Variants in MAP3K13 observed in about 807,000 individuals in gnomAD.
The protein encoded by MAP3K13 is mitogen-activated protein kinase kinase kinase 13.
In MAP3K13, 52 loss-of-function variants were observed where a neutral mutation model predicts 104.0. The observed-to-expected ratio is 0.50, with a 90% CI of 0.40 to 0.63. The LOEUF (loss-of-function observed/expected upper bound fraction) is 0.63, where lower values mean the gene tolerates loss of function less well. MAP3K13 is among the 20% of genes least tolerant of loss of function. MAP3K13 has a pLI of 0.00. For missense variants in MAP3K13, 914 were observed against 1,218.5 expected (o/e 0.75, Z 3.72); for synonymous variants, 394 against 442.2 (o/e 0.89, Z 1.37).
intron 7 of MAP3K13, among the ~76,000 whole-genome samples, chr3:185,452,739 C>T (rs560215950): frequency 6.6e-6 from 1 of 152,288 alleles, no homozygotes; most frequent in East Asian, 1.9e-4. Context: ...TGGCTATTAG[C>T]TAGAGCACCT....
Position 185,455,285 on chromosome 3 carries a change from A to AGATATATAT in MAP3K13, c.1278+3891_1278+3899dup, listed in dbSNP as rs1577586836. On this transcript the variant is annotated intron_variant, in intron 7 of 13. Transcript: ENST00000265026. ...ATATGAGATATATATGAGATATATG[A>AGATATATAT]GATATATATATGAGATATATATGAG... is the stretch of plus-strand genomic sequence containing the variant. 8.9e-4 allele frequency among the ~76,000 whole-genome samples: 18 copies of AGATATATAT among 20,220 alleles called. 2 individuals carry two copies. Among genetic ancestry groups the AGATATATAT allele is most frequent in the Non-Finnish European group, 8.2e-4 (5 of 6,116 alleles). The allele number at this position is 20,220 out of a possible 152,430, so 13.3% of individuals were successfully genotyped here.
intron 1 of MAP3K13, among the ~76,000 whole-genome samples, chr3:185,407,640 G>A (rs181447032): frequency 1.0e-3 from 159 of 152,274 alleles, no homozygotes; most frequent in African/African-American, 3.5e-3. Context: ...TAGCTTCAGA[G>A]TGCGTTTTGC....
intron 2 of MAP3K13, among the ~76,000 whole-genome samples, chr3:185,304,051 A>G (rs924022696): frequency 1.3e-5 from 2 of 152,004 alleles, no homozygotes; most frequent in African/African-American, 4.8e-5. Flanking sequence ...ATATTTCCTA[A>G]TTTTTTGTGA....
intron 5 of MAP3K13, 42 bp from the exon 6 acceptor site, chr3:185,449,858 T>A: frequency 6.6e-7 from 1 of 1,522,990 alleles, no homozygotes; most frequent in Non-Finnish European, 8.8e-7. Flanking sequence ...CAAATCAGTC[T>A]TTCTGAAACA....
At position 185,480,326 on chromosome 3, in the gene MAP3K13, C is replaced by T. The variant is rs776736664; in HGVS notation, c.2596C>T (p.His866Tyr). 9.3e-6 allele frequency: 15 copies of T among 1,614,028 alleles called. No individual in the cohort carries two copies. The highest frequency in any genetic ancestry group is 1.3e-5 in the African/African-American group (1 of 74,912). ...SDGEEGNTSD[H>Y]SNSPDELADK... is the part of the protein sequence containing the mutation. ...TGGAGAAGAGGGAAATACCAGTGAC[C>T]ACTCAAACAGTCCTGATGAGTTAGC... Residue 866 changes from histidine (H) to tyrosine (Y), a missense_variant, in exon 13 of 14, where the codon CAC (histidine) becomes TAC (tyrosine). By Grantham distance (83) the His-to-Tyr change is moderately conservative. This residue lies in a region of MAP3K13 where 583 missense variants were observed against 737.4 expected (regional missense o/e 0.79). Transcript: ENST00000265026.
Position 185,418,889 on chromosome 3 carries a change from T to C in MAP3K13, c.-85-9608T>C, listed in dbSNP as rs1465149370. The C allele has an allele frequency of 6.0e-6, 7 of 1,160,438 alleles. 1 individual carries two copies. The Admixed American group carries it at 1.7e-4, about 29-fold the overall frequency. 71.9% of individuals were successfully genotyped at this position (1,160,438 alleles called of 1,614,324 possible). On this transcript the variant is annotated intron_variant, in intron 1 of 13. Transcript: ENST00000265026. This position sits in a 1 kb window ranked among gnomAD's most constrained non-coding sequence, Gnocchi z 4.5. ...TTTCAGTTCTCTTAATCATGATCAT[T>C]CTGCCTTTTCTAGAATCAAATGTGA...
intron 1 of MAP3K13, among the ~76,000 whole-genome samples, chr3:185,374,412 G>GA: frequency 6.6e-6 from 1 of 152,236 alleles, no homozygotes; most frequent in East Asian, 1.9e-4. Flanking sequence ...GCTGAAGGAA[G>GA]ATTTTGTGGT....
intron 1 of MAP3K13, among the ~76,000 whole-genome samples, chr3:185,396,443 G>C (rs1207350292): frequency 6.6e-6 from 1 of 152,128 alleles, no homozygotes; most frequent in African/African-American, 2.4e-5. Context: ...ATTTGAAGGA[G>C]TTGGAAGTGA....
At position 185,408,282 on chromosome 3, in the gene MAP3K13, G is replaced by A. The variant is rs1448331048; in HGVS notation, c.-85-20215G>A. Among the ~76,000 whole-genome samples, 5 of 152,020 alleles carry A rather than the reference G, an allele frequency of 3.3e-5. No homozygotes were observed. In the South Asian group the frequency reaches 6.2e-4, roughly 19 times the overall value. On this transcript the variant is annotated intron_variant, in intron 1 of 13. Coordinates refer to ENST00000265026, the MANE Select transcript of MAP3K13 (RefSeq NM_004721.5). ...TAAGCTCTCAATAAAATGCCAATTC[G>A]GCCAGGTGCGGTGGCTCACACCTGT...
chr3:185,287,120 T>G (rs1469223739), intron 2 of MAP3K13, among the ~76,000 whole-genome samples: 1 of 152,202 alleles, frequency 6.6e-6, no homozygotes, highest in African/African-American at 2.4e-5. Context: ...TTAAGAATAC[T>G]CAGTGCTTAG....
At chr3:185,455,812 T>G (rs536634863) in intron 7 of MAP3K13, among the ~76,000 whole-genome samples, 1 of 127,466 alleles carries the variant, frequency 7.8e-6, no homozygotes, top group Non-Finnish European at 1.6e-5. Context: ...ATATGAGATA[T>G]ATATATGAGA....
intron 2 of MAP3K13, among the ~76,000 whole-genome samples, chr3:185,289,315 C>T (rs534312219): frequency 1.3e-5 from 2 of 152,102 alleles, no homozygotes; most frequent in East Asian, 3.9e-4. Flanking sequence ...TAGATTATTC[C>T]GGAGGCCTCT....
In MAP3K13 at chr3:185,450,085, G is replaced by A; in HGVS notation, c.1169+27G>A. The A allele has an allele frequency of 1.9e-6, 3 of 1,576,482 alleles. No individual in the cohort carries two copies. Among genetic ancestry groups the A allele is most frequent in the Non-Finnish European group, 2.6e-6 (3 of 1,161,126 alleles). ...TAAGAATATTGTCTCTAAAACAATA[G>A]GGAGGTCTCTAATGTGTATTTGGAG... On this transcript the variant is annotated intron_variant, in intron 6 of 13. Coordinates refer to ENST00000265026, the MANE Select transcript of MAP3K13 (RefSeq NM_004721.5). The surrounding 1 kb of genome is among the most constrained non-coding windows in gnomAD (Gnocchi z 4.2).
rs1020399300 is a variant in MAP3K13, at chr3:185,315,473, A to C, written c.-86+29830A>C. On this transcript the variant is annotated intron_variant, in intron 2 of 14. Coordinates refer to the MAP3K13 transcript ENST00000424227. The surrounding 1 kb of genome is among the most constrained non-coding windows in gnomAD (Gnocchi z 4.3). ...TGCATTTCTAAGAAGCTTCCAGGTGATGCTGATACTGCTGGTCCAGCGACC... is the reference window on the plus strand; with the variant it reads ...TGCATTTCTAAGAAGCTTCCAGGTGCTGCTGATACTGCTGGTCCAGCGACC... 6.6e-5 allele frequency among the ~76,000 whole-genome samples: 10 copies of C among 152,204 alleles called. No individual in the cohort carries two copies. Among genetic ancestry groups the C allele is most frequent in the African/African-American group, 2.4e-4 (10 of 41,448 alleles).
intron 2 of MAP3K13, among the ~76,000 whole-genome samples, chr3:185,332,887 G>A (rs1335146267): frequency 2.6e-5 from 4 of 152,112 alleles, no homozygotes; most frequent in African/African-American, 9.7e-5. Context: ...CCTGCTTTCA[G>A]TTCTTTTGGC....
intron 13 of MAP3K13, among the ~76,000 whole-genome samples, chr3:185,481,972 C>T (rs1312918519): frequency 5.9e-5 from 9 of 152,216 alleles, no homozygotes; most frequent in East Asian, 1.9e-4. Flanking sequence ...TAGTCCCAGC[C>T]GCTCAGGAGG....
At chr3:185,321,146 T>C (rs1191333487) in intron 2 of MAP3K13, among the ~76,000 whole-genome samples, 1 of 149,498 alleles carries the variant, frequency 6.7e-6, no homozygotes, top group Admixed American at 6.6e-5. Flanking sequence ...GTATATTACA[T>C]ATATGCGTGC....
intron 2 of MAP3K13, chr3:185,329,049 G>A (rs1722144094): frequency 2.0e-6 from 1 of 492,416 alleles, no homozygotes; most frequent in Admixed American, 3.2e-5. Flanking sequence ...ATTAAATCAA[G>A]TTTCTACCTG....
chr3:185,286,115 G>T (rs369109288), intron 2 of MAP3K13, among the ~76,000 whole-genome samples: 3 of 152,056 alleles, frequency 2.0e-5, no homozygotes, highest in East Asian at 3.9e-4. Context: ...TCTTTATTCT[G>T]CCTTATTTAT....
Sources: gnomAD v4.1 joint callset for allele counts (sites outside exome capture counted in the v4.1 genomes callset) on GRCh38, gnomAD v4.1.1 for gene constraint, gnomAD v4.1.1 regional missense constraint, Gnocchi (gnomAD v3.1) non-coding constraint, MANE v1.5 for transcripts, NCBI Gene and HGNC (gene_info 2026-07-23, HGNC 2026-07-21) for gene names.